Variants in RAD51AP2 observed in about 807,000 individuals in gnomAD.
RAD51AP2 encodes RAD51 associated protein 2.
A neutral mutation model predicts 85.5 loss-of-function variants in RAD51AP2; 67 were observed. The ratio of observed to expected loss-of-function variants is 0.78; its 90% CI spans 0.64 to 0.96. RAD51AP2 has a LOEUF of 0.96. Among genes scored for constraint, RAD51AP2 ranks in the 40% least tolerant of loss-of-function variants. The pLI is 0.00. For missense variants in RAD51AP2, 1,307 were observed against 1,332.4 expected, an observed-to-expected ratio of 0.98 and a Z score of 0.30; for synonymous variants, 474 against 446.5, an observed-to-expected ratio of 1.06 and a Z score of -0.78.
chr2:17,528,635 G>T, the RAD51AP2 span, among the ~76,000 whole-genome samples: 3 of 152,070 alleles, frequency 2.0e-5, no homozygotes, highest in South Asian at 4.1e-4. Flanking sequence ...TTGAGGCCAG[G>T]AGTTCACGAC....
chr2:17,528,793 G>C, the RAD51AP2 span, among the ~76,000 whole-genome samples: 1 of 152,136 alleles, frequency 6.6e-6, no homozygotes, highest in Admixed American at 6.5e-5. Flanking sequence ...GTAGTGAGCC[G>C]TGATTGTACC....
chr2:17,536,052 T>C, the RAD51AP2 span, among the ~76,000 whole-genome samples: 2 of 151,856 alleles, frequency 1.3e-5, no homozygotes, highest in Admixed American at 1.3e-4. Flanking sequence ...TTTTAGTTGG[T>C]TGTCTCTGAG....
the RAD51AP2 span, among the ~76,000 whole-genome samples, chr2:17,528,345 G>T: frequency 6.6e-6 from 1 of 152,170 alleles, no homozygotes; most frequent in Non-Finnish European, 1.5e-5. Flanking sequence ...ATTAGTTTAA[G>T]TATGGGTAGG....
At position 17,518,407 on chromosome 2, in the gene RAD51AP2, G is replaced by C. The variant is rs370965654; in HGVS notation, c.9C>G (p.Leu3=). 3.7e-6 allele frequency: 6 copies of C among 1,611,084 alleles called. No individual in the cohort carries two copies. Among genetic ancestry groups the C allele is most frequent in the Non-Finnish European group, 5.1e-6 (6 of 1,179,332 alleles). The change falls in exon 1 of 3, where the codon CTC becomes CTG. Residue 3 remains leucine (L), a synonymous_variant. Transcript: ENST00000399080. The stretch of plus-strand genomic sequence containing the variant: ...CGGCCATCCGCGGCGTGGGCTGAGG[G>C]AGAGACATGACAGCGAATGGAAAGG... MS[L]PQPTPRMAEL...
the RAD51AP2 span, among the ~76,000 whole-genome samples, chr2:17,536,952 A>G: frequency 2.6e-5 from 4 of 152,182 alleles, no homozygotes; most frequent in Non-Finnish European, 5.9e-5. Flanking sequence ...ATTCTAAGAG[A>G]TACTTCCTAT....
the RAD51AP2 span, among the ~76,000 whole-genome samples, chr2:17,530,049 T>C: frequency 6.6e-6 from 1 of 152,186 alleles, no homozygotes; most frequent in Admixed American, 6.5e-5. Flanking sequence ...TCTTGCCCCA[T>C]TCCCAGTTCT....
At position 17,515,644 on chromosome 2, in the gene RAD51AP2, T is replaced by G. The variant is rs745750139; in HGVS notation, c.2772A>C (p.Ala924=). The G allele has an allele frequency of 3.1e-6, 5 of 1,612,882 alleles. No individual in the cohort carries two copies. The East Asian group carries it at 6.7e-5, about 22-fold the overall frequency. The change falls in exon 1 of 3, where the codon GCA becomes GCC. Residue 924 remains alanine, a synonymous_variant. Coordinates refer to ENST00000399080, the MANE Select transcript of RAD51AP2 (RefSeq NM_001099218.3). ...TTTCAAATTGATGATTAATATATAA[T>G]GCAGAGTCATTCTTTCTGTGAAAAT... ...SKDFHRKNDS[A]LYINHQFETG... is the part of the protein sequence containing the mutation.
chr2:17,513,113 C>G (rs770900740), intron 2 of RAD51AP2, among the ~76,000 whole-genome samples: 3 of 152,186 alleles, frequency 2.0e-5, no homozygotes, highest in South Asian at 4.1e-4. Context: ...TCAATCCTAC[C>G]CCTACCCTAC....
the RAD51AP2 span, among the ~76,000 whole-genome samples, chr2:17,535,899 A>G: frequency 6.7e-6 from 1 of 149,948 alleles, no homozygotes; most frequent in Non-Finnish European, 1.5e-5. Flanking sequence ...TAGGAATGAT[A>G]AGATGAACTC....
At chr2:17,522,282 T>C (rs1662873669), upstream of RAD51AP2, among the ~76,000 whole-genome samples, 1 of 152,056 alleles carries the variant, frequency 6.6e-6, no homozygotes. Context: ...ACTTAACTTC[T>C]TGCCATCCCT....
upstream of RAD51AP2, chr2:17,518,523 C>T (rs1235371713): frequency 2.7e-5 from 38 of 1,409,392 alleles, no homozygotes; most frequent in African/African-American, 4.3e-5. Flanking sequence ...CAAGACCTGG[C>T]CTTAGCCTAA....
Position 17,515,465 on chromosome 2 carries a change from T to A in RAD51AP2, c.2951A>T (p.Glu984Val). 1.2e-6 allele frequency: 2 copies of A among 1,613,578 alleles called. No individual in the cohort carries two copies. ...TTCCACAGTGCTTAGAAGTTCATTT[T>A]CCCTACTAATTTCATGAAACATACG... ...ELRMFHEISR[E>V]NELLSTVETN... Residue 984 changes from glutamate to valine, a missense_variant, in exon 1 of 3, where the codon GAA becomes GTA. Transcript: ENST00000399080.
the RAD51AP2 span, among the ~76,000 whole-genome samples, chr2:17,535,397 A>G: frequency 6.6e-5 from 10 of 152,330 alleles, no homozygotes; most frequent in East Asian, 1.9e-3. Context: ...ATTTTAATTT[A>G]TGTTGTTTAA....
chr2:17,520,083 A>C (rs1351059406), upstream of RAD51AP2, among the ~76,000 whole-genome samples: 1 of 152,156 alleles, frequency 6.6e-6, no homozygotes, highest in Non-Finnish European at 1.5e-5. Flanking sequence ...TACATTGTTT[A>C]AGGATTAAAA....
chr2:17,520,240 A>T (rs1056999733), upstream of RAD51AP2, among the ~76,000 whole-genome samples: 34 of 152,202 alleles, frequency 2.2e-4, no homozygotes, highest in African/African-American at 8.0e-4. Context: ...ACTTATTTAA[A>T]CATTATACTA....
rs991093149 is a variant in RAD51AP2 at position 17,515,823 on chromosome 2, A to T, written c.2593T>A (p.Phe865Ile). 4 of 1,608,054 alleles carry T rather than the reference A, an allele frequency of 2.5e-6. No individual in the cohort carries two copies. In the Admixed American group the frequency reaches 6.7e-5, roughly 27 times the overall value. Residue 865 changes from phenylalanine to isoleucine, a missense_variant, in exon 1 of 3, where the codon TTT (phenylalanine) becomes ATT (isoleucine). Physicochemically the swap from Phe to Ile is conservative, Grantham distance 21. Around this residue, in one of 3 missense-constraint regions of RAD51AP2, gnomAD observed 668 missense variants for 671.0 expected, o/e 1.00. Transcript: ENST00000399080. ...KIEKEEKDSF[F>I]PMDDMFSVQS... Reference sequence around the variant, plus strand: ...ACAGAAAACATGTCATCCATTGGAAAAAAACTATCTTTCTCTTCCTTTTCT... The same window carrying T: ...ACAGAAAACATGTCATCCATTGGAATAAAACTATCTTTCTCTTCCTTTTCT...
upstream of RAD51AP2, among the ~76,000 whole-genome samples, chr2:17,520,774 A>G (rs1421200765): frequency 6.6e-6 from 1 of 151,036 alleles, no homozygotes; most frequent in Non-Finnish European, 1.5e-5. Flanking sequence ...TTTTTAAACA[A>G]TTTGCCCCCA....
At chr2:17,518,456 T>C, upstream of RAD51AP2, 1 of 1,579,520 alleles carries the variant, frequency 6.3e-7, no homozygotes, top group Non-Finnish European at 8.6e-7. Flanking sequence ...CCGGCGGGGC[T>C]CCAATCCCTT....
rs765468779 is a variant in RAD51AP2 at position 17,515,441 on chromosome 2, T to A, written c.2975A>T (p.Glu992Val). The change falls in exon 1 of 3, where the codon GAA (glutamate) becomes GTA (valine). Residue 992 changes from glutamate to valine, a missense_variant. Around this residue, in one of 3 missense-constraint regions of RAD51AP2, gnomAD observed 668 missense variants for 671.0 expected, o/e 1.00. Transcript: ENST00000399080. ...GTAATTTTCTTGCCCATTGTTTGTTTCCACAGTGCTTAGAAGTTCATTTTC... is the reference window on the plus strand; with the variant it reads ...GTAATTTTCTTGCCCATTGTTTGTTACCACAGTGCTTAGAAGTTCATTTTC... ...SRENELLSTV[E>V]TNNGQENYFG... 11 of 1,613,250 alleles carry A rather than the reference T, an allele frequency of 6.8e-6. No individual in the cohort carries two copies. The highest frequency in any genetic ancestry group is 7.6e-6 in the Non-Finnish European group (9 of 1,179,830).
Sources: allele counts gnomAD v4.1 joint callset (sites outside exome capture counted in the v4.1 genomes callset), GRCh38; gene constraint gnomAD v4.1.1; regional missense constraint gnomAD v4.1.1; transcripts MANE v1.5; gene names NCBI Gene and HGNC (gene_info 2026-07-23, HGNC 2026-07-21).